Variants in VAV1 observed in about 807,000 individuals in gnomAD.
VAV1 encodes proto-oncogene vav.
In VAV1, 33 loss-of-function variants were observed where a neutral mutation model predicts 128.1. That is an observed-to-expected ratio of 0.26 (90% CI 0.20 to 0.34). The LOEUF (loss-of-function observed/expected upper bound fraction) is 0.34, where lower values mean the gene tolerates loss of function less well. Among genes scored for constraint, VAV1 ranks in the 10% least tolerant of loss-of-function variants. VAV1 has a pLI of 1.00. For synonymous variants in VAV1, 394 were observed against 409.8 expected, an observed-to-expected ratio of 0.96 and a Z score of 0.47; for missense variants, 715 against 1,093.7, an observed-to-expected ratio of 0.65 and a Z score of 4.88.
chr19:6,852,749 C>T (rs541795256), intron 24 of VAV1, among the ~76,000 whole-genome samples: 3 of 151,626 alleles, frequency 2.0e-5, no homozygotes, highest in African/African-American at 7.3e-5. Flanking sequence ...AAGAAAGAAC[C>T]TGTTTTAGGC....
intron 6 of VAV1, 106 bp from the exon 7 acceptor site, chr19:6,824,947 C>A: frequency 1.7e-6 from 2 of 1,199,844 alleles, no homozygotes; most frequent in African/African-American, 1.5e-5. Context: ...TGTGGACGCG[C>A]TGCCTCTCTT....
intron 1 of VAV1, among the ~76,000 whole-genome samples, chr19:6,797,422 G>C (rs894821586): frequency 1.3e-5 from 2 of 151,734 alleles, no homozygotes; most frequent in Non-Finnish European, 2.9e-5. Flanking sequence ...GAGCAAAATG[G>C]CCGGGCACAG....
At chr19:6,851,997 AC>A (rs1163145673) in intron 24 of VAV1, among the ~76,000 whole-genome samples, 1 of 151,906 alleles carries the variant, frequency 6.6e-6, no homozygotes, top group Non-Finnish European at 1.5e-5. Flanking sequence ...GTATCTATGA[AC>A]CTTTCATATA....
At chr19:6,812,170 A>T (rs1422688792) in intron 1 of VAV1, among the ~76,000 whole-genome samples, 4 of 152,184 alleles carry the variant, frequency 2.6e-5, no homozygotes, top group African/African-American at 9.7e-5. Flanking sequence ...TGGAAGAGAA[A>T]ACACGAATAT....
chr19:6,853,941 C>G lies in VAV1; in HGVS notation c.2333-6C>G, dbSNP rs758380804. 2 of 1,608,810 alleles carry G rather than the reference C, an allele frequency of 1.2e-6. No homozygotes were observed. The highest frequency in any genetic ancestry group is 4.5e-5 in the East Asian group (2 of 44,890). ...CCCTTTTCTCACTTCTGTTCTCTCTCCACAGTGGGAAGCACAAAGTATTTT... is the reference window on the plus strand; with the variant it reads ...CCCTTTTCTCACTTCTGTTCTCTCTGCACAGTGGGAAGCACAAAGTATTTT... On this transcript the variant is annotated splice_polypyrimidine_tract_variant and splice_region_variant and intron_variant, in intron 25 of 26. Transcript: ENST00000602142.
At chr19:6,806,619 C>T (rs1477896281) in intron 1 of VAV1, among the ~76,000 whole-genome samples, 6 of 152,126 alleles carry the variant, frequency 3.9e-5, no homozygotes, top group Non-Finnish European at 5.9e-5. Flanking sequence ...ACCAACACAG[C>T]GGAGAGTAAA....
At chr19:6,853,827 G>T (rs986498585) in intron 25 of VAV1, 120 bp from the exon 26 acceptor site, 1 of 1,289,868 alleles carries the variant, frequency 7.8e-7, no homozygotes, top group African/African-American at 1.5e-5. Flanking sequence ...CTAATACTCT[G>T]CAGAAAAGAG....
At chr19:6,776,520 T>TCATCCATC (rs367861307) in intron 1 of VAV1, among the ~76,000 whole-genome samples, 2,036 of 63,016 alleles carry the variant, frequency 0.032, 65 homozygotes, top group African/African-American at 0.083. Context: ...ATCCATCCTC[T>TCATCCATC]CATCCATCCA....
At chr19:6,813,604 C>G (rs946195176) in intron 1 of VAV1, among the ~76,000 whole-genome samples, 3 of 152,108 alleles carry the variant, frequency 2.0e-5, no homozygotes, top group African/African-American at 7.2e-5. Flanking sequence ...CCTTTATTTT[C>G]CCTCTGTAGG....
At chr19:6,838,531 A>G (rs1234563012) in intron 21 of VAV1, among the ~76,000 whole-genome samples, 3 of 152,046 alleles carry the variant, frequency 2.0e-5, no homozygotes, top group East Asian at 1.9e-4. Context: ...TCTATCATCT[A>G]TCTATTCACC....
chr19:6,806,037 C>T (rs1433792867), intron 1 of VAV1, among the ~76,000 whole-genome samples: 1 of 152,072 alleles, frequency 6.6e-6, no homozygotes, highest in Non-Finnish European at 1.5e-5. Context: ...AATTACAGGT[C>T]AACAAACCAT....
chr19:6,855,142 T>C (rs1428217809), intron 26 of VAV1, among the ~76,000 whole-genome samples: 3 of 152,208 alleles, frequency 2.0e-5, no homozygotes, highest in Admixed American at 1.3e-4. Context: ...TCTCAGCCTC[T>C]AGAATTCTGC....
At chr19:6,846,334 C>T (rs1261363696) in intron 22 of VAV1, among the ~76,000 whole-genome samples, 1 of 151,260 alleles carries the variant, frequency 6.6e-6, no homozygotes, top group African/African-American at 2.4e-5. Flanking sequence ...TGCCTGTAAT[C>T]CCAGCACTTT....
intron 1 of VAV1, among the ~76,000 whole-genome samples, chr19:6,799,668 G>A (rs1408754248): frequency 2.6e-5 from 4 of 151,760 alleles, no homozygotes; most frequent in Admixed American, 6.6e-5. Flanking sequence ...ATTACTGATG[G>A]CACTTTTGGC....
rs2303819 is a variant in VAV1 at position 6,829,597 on chromosome 19, C to T, written c.1266-189C>T. Among the ~76,000 whole-genome samples the T allele has an allele frequency of 2.6e-5, 4 of 151,990 alleles. No individual in the cohort carries two copies. The East Asian group carries it at 5.8e-4, about 22-fold the overall frequency. On this transcript the variant is annotated intron_variant, in intron 13 of 26. Coordinates refer to ENST00000602142, the MANE Select transcript of VAV1 (RefSeq NM_005428.4). ...GGGCCAGCGAGGGGTATGGGTGGAG[C>T]GAAGACTGACAGGCAGTAGGGCCAA...
chr19:6,779,687 C>G (rs1479561098), intron 1 of VAV1, among the ~76,000 whole-genome samples: 1 of 148,586 alleles, frequency 6.7e-6, no homozygotes, highest in East Asian at 2.0e-4. Context: ...AGAGTGTGAC[C>G]TCGTCTCTAT....
At chr19:6,808,326 CA>C (rs1861449019) in intron 1 of VAV1, among the ~76,000 whole-genome samples, 1 of 151,692 alleles carries the variant, frequency 6.6e-6, no homozygotes, top group South Asian at 2.1e-4. Context: ...AAAAAAAGTT[CA>C]AAAAAACCCC....
At chr19:6,787,730 G>T (rs1044722729) in intron 1 of VAV1, among the ~76,000 whole-genome samples, 2 of 151,810 alleles carry the variant, frequency 1.3e-5, no homozygotes, top group African/African-American at 4.8e-5. Flanking sequence ...CCAAGTAGTT[G>T]GGACTAATAG....
chr19:6,841,378 A>G (rs988541190), intron 21 of VAV1, among the ~76,000 whole-genome samples: 6 of 152,126 alleles, frequency 3.9e-5, no homozygotes, highest in Admixed American at 1.3e-4. Flanking sequence ...CATGCTTTCA[A>G]TTCCTTTGGG....
Sources: gnomAD v4.1 joint callset for allele counts (sites outside exome capture counted in the v4.1 genomes callset) on GRCh38, gnomAD v4.1.1 for gene constraint, MANE v1.5 for transcripts, NCBI Gene and HGNC (gene_info 2026-07-23, HGNC 2026-07-21) for gene names.